Variants in STK4 observed in about 807,000 individuals in gnomAD.
STK4 encodes serine/threonine kinase 4, also known as serine/threonine-protein kinase 4.
In STK4, 30 loss-of-function variants were observed where a neutral mutation model predicts 64.9. The ratio of observed to expected loss-of-function variants is 0.46; its 90% CI spans 0.35 to 0.63. The LOEUF (loss-of-function observed/expected upper bound fraction) is 0.63, where lower values mean the gene tolerates loss of function less well. Ranked by LOEUF, STK4 falls within the 20% of genes least tolerant of loss-of-function variation. The pLI, the probability that STK4 is intolerant of heterozygous loss-of-function variation, is 0.01. For synonymous variants in STK4, 177 were observed against 199.0 expected (o/e 0.89, Z 0.93); for missense variants, 466 against 598.5 (o/e 0.78, Z 2.31).
At chr20:45,066,179 T>A (rs1169585786) in intron 10 of STK4, among the ~76,000 whole-genome samples, 1 of 102,028 alleles carries the variant, frequency 9.8e-6, no homozygotes, top group Non-Finnish European at 2.1e-5. Context: ...ACATTATATA[T>A]CTACACACAC....
At chr20:45,000,173 G>A (rs2067810150) in intron 7 of STK4, among the ~76,000 whole-genome samples, 1 of 152,174 alleles carries the variant, frequency 6.6e-6, no homozygotes, top group Non-Finnish European at 1.5e-5. Flanking sequence ...AATGGCATAG[G>A]CATTTCAGCC....
In STK4 at chr20:45,023,737, G is replaced by A. The variant is rs115777895; in HGVS notation, c.1148-1236G>A. Among the ~76,000 whole-genome samples, 613 of 152,088 alleles carry A rather than the reference G, an allele frequency of 4.0e-3. 6 individuals carry two copies. Among genetic ancestry groups the A allele is most frequent in the African/African-American group, 0.014 (592 of 41,474 alleles). ...GTATTCTGCTCTCTTAACGGTTACT[G>A]CTACTATGTAACTGCTGATGCTTTT... is the stretch of plus-strand genomic sequence containing the variant. On this transcript the variant is annotated intron_variant, in intron 9 of 10. Coordinates refer to ENST00000372806, the MANE Select transcript of STK4 (RefSeq NM_006282.5).
At chr20:45,000,685 ATCTGTGCTTATTCTTCTC>A in intron 8 of STK4, 165 bp downstream of exon 8, 1 of 971,262 alleles carries the variant, frequency 1.0e-6, no homozygotes, top group Non-Finnish European at 1.5e-6. Flanking sequence ...GGGTTGTTGT[ATCTGTGCTTATTCTTCTC>A]CCAGTGCTTC....
intron 3 of STK4, among the ~76,000 whole-genome samples, chr20:44,981,196 C>A (rs2067432355): frequency 6.6e-6 from 1 of 151,940 alleles, no homozygotes; most frequent in Non-Finnish European, 1.5e-5. Flanking sequence ...GCTCTGTCGC[C>A]CAGGCTGGAG....
chr20:44,987,170 T>C lies in STK4; in HGVS notation c.399T>C (p.Thr133=). The C allele has an allele frequency of 6.2e-7, 1 of 1,607,300 alleles. No individual in the cohort carries two copies. The highest frequency in any genetic ancestry group is 8.5e-7 in the Non-Finnish European group (1 of 1,176,754). Residue 133 remains threonine, a synonymous_variant, in exon 5 of 11, where the codon ACT becomes ACC. Transcript: ENST00000372806. The part of the protein sequence containing the change: ...EDEIATILQS[T]LKGLEYLHFM... The stretch of plus-strand genomic sequence containing the variant: ...AAATAGCTACAATATTACAATCAAC[T>C]CTTAAGGGACTTGAATACCTTCATT...
chr20:45,059,905 C>A (rs905562585), intron 10 of STK4, among the ~76,000 whole-genome samples: 4 of 151,972 alleles, frequency 2.6e-5, no homozygotes, highest in African/African-American at 9.7e-5. Flanking sequence ...CTTAAATTAT[C>A]CTCTTAGGCT....
intron 9 of STK4, among the ~76,000 whole-genome samples, chr20:45,009,597 G>A (rs1176909825): frequency 2.0e-5 from 3 of 152,166 alleles, no homozygotes; most frequent in East Asian, 3.8e-4. Flanking sequence ...TATAGGAATA[G>A]TATGGAATCT....
chr20:44,970,889 T>TTGTG lies in STK4; in HGVS notation c.36-1169_36-1166dup, dbSNP rs60332680. Among the ~76,000 whole-genome samples the TTGTG allele has an allele frequency of 9.1e-3, 1,344 of 148,104 alleles. 16 individuals carry two copies. The highest frequency in any genetic ancestry group is 0.023 in the African/African-American group (912 of 40,280). On this transcript the variant is annotated intron_variant, in intron 1 of 10. Transcript: ENST00000372806. ...CTGTTTTATTTAGGAAGGTACACAT[T>TTGTG]TGTGTGTGTGTGTGTGTGTGTGTAT...
intron 10 of STK4, among the ~76,000 whole-genome samples, chr20:45,035,338 A>T (rs1405416726): frequency 2.6e-5 from 4 of 152,162 alleles, no homozygotes; most frequent in Non-Finnish European, 5.9e-5. Context: ...TACATTTTTA[A>T]ACTTTCAATT....
intron 10 of STK4, among the ~76,000 whole-genome samples, chr20:45,029,768 C>A (rs1468658655): frequency 1.3e-5 from 2 of 152,120 alleles, no homozygotes; most frequent in African/African-American, 4.8e-5. Flanking sequence ...TGACTCTTAC[C>A]CACTAAAGTT....
intron 5 of STK4, among the ~76,000 whole-genome samples, chr20:44,988,517 ATATATATGTGTGTGTG>A (rs2067571631): frequency 2.2e-5 from 2 of 89,686 alleles, no homozygotes; most frequent in African/African-American, 1.0e-4. Context: ...GTGTGTGTGT[ATATATATGTGTGTGTG>A]TATATATATA....
intron 10 of STK4, among the ~76,000 whole-genome samples, chr20:45,045,840 T>C (rs888678720): frequency 2.0e-5 from 3 of 152,114 alleles, no homozygotes; most frequent in African/African-American, 7.2e-5. Context: ...GGAGTCTCGC[T>C]CTGTCGCCCA....
chr20:45,018,182 A>G (rs1321012169), intron 9 of STK4, among the ~76,000 whole-genome samples: 1 of 152,232 alleles, frequency 6.6e-6, no homozygotes, highest in Non-Finnish European at 1.5e-5. Context: ...GCCAGAGGAA[A>G]ACATTTGCAG....
intron 7 of STK4, among the ~76,000 whole-genome samples, chr20:44,999,312 T>G (rs6073596): frequency 0.12 from 18,948 of 152,228 alleles, 1,547 homozygotes; most frequent in East Asian, 0.22. Flanking sequence ...CAAATTCTTT[T>G]TCTACCTGGA....
chr20:45,051,729 C>A (rs1568756508), intron 10 of STK4, among the ~76,000 whole-genome samples: 1 of 152,120 alleles, frequency 6.6e-6, no homozygotes, highest in Non-Finnish European at 1.5e-5. Flanking sequence ...TATTATAGTG[C>A]CTTCTAAAGT....
Position 45,078,208 on chromosome 20 carries a change from GT to G in STK4, c.*3047del, listed in dbSNP as rs34849318. ...ATCTCAGAATTCTTTTTTTGTTTGT[GT>G]TTTTTTTTTTTTTTGAGACAGAGTC... On this transcript the variant is annotated 3_prime_UTR_variant, in exon 11 of 11. Transcript: ENST00000372806. The G allele has an allele frequency of 0.13, 18,004 of 137,352 alleles. 1,090 individuals carry two copies. The highest frequency in any genetic ancestry group is 0.21 in the Middle Eastern group (56 of 268). The allele number at this position is 137,352 out of a possible 1,614,324, so 8.5% of individuals were successfully genotyped here. A position where few individuals can be genotyped will look rare whatever the true frequency, so the allele number is the denominator to read the frequency against.
intron 4 of STK4, 59 bp from the exon 5 acceptor site, chr20:44,987,073 C>T: frequency 7.1e-7 from 1 of 1,405,706 alleles, no homozygotes; most frequent in Non-Finnish European, 9.6e-7. Context: ...GATTTTTTCT[C>T]CTTTTTCTAA....
chr20:44,992,467 C>T (rs1276729158), intron 5 of STK4, among the ~76,000 whole-genome samples: 1 of 151,644 alleles, frequency 6.6e-6, no homozygotes, highest in Non-Finnish European at 1.5e-5. Flanking sequence ...CCCTATTTTA[C>T]CCAGGCTGGT....
chr20:45,078,016 G>T lies in STK4; in HGVS notation c.*2840G>T, dbSNP rs1980646790. 1 of 152,128 alleles carries T rather than the reference G, an allele frequency of 6.6e-6. No homozygotes were observed. Among genetic ancestry groups the T allele is most frequent in the Non-Finnish European group, 1.5e-5 (1 of 68,018 alleles). The allele number at this position is 152,128 out of a possible 1,614,324, so 9.4% of individuals were successfully genotyped here. ...AAAGGAACAAGTCCTAGTTGTTGTTGTTGTTGTTGAATACTAAATTTAAGA... is the reference window on the plus strand; with the variant it reads ...AAAGGAACAAGTCCTAGTTGTTGTTTTTGTTGTTGAATACTAAATTTAAGA... On this transcript the variant is annotated 3_prime_UTR_variant, in exon 11 of 11. Transcript: ENST00000372806.
Sources: allele counts gnomAD v4.1 joint callset (sites outside exome capture counted in the v4.1 genomes callset), GRCh38; gene constraint gnomAD v4.1.1; transcripts MANE v1.5; gene names NCBI Gene and HGNC (gene_info 2026-07-23, HGNC 2026-07-21).